The following DPY19L3 variants were observed in gnomAD, a reference collection of about 807,000 sequenced individuals.
DPY19L3 encodes the protein protein C-mannosyl-transferase DPY19L3.
DPY19L3 carries 51 observed loss-of-function variants against 92.3 expected under a neutral mutation model. The ratio of observed to expected loss-of-function variants is 0.55; its 90% CI spans 0.44 to 0.70. DPY19L3 has a LOEUF of 0.70. Among genes scored for constraint, DPY19L3 ranks in the 30% least tolerant of loss-of-function variants. The pLI, the probability that DPY19L3 is intolerant of heterozygous loss-of-function variation, is 0.00. For missense variants in DPY19L3, 706 were observed against 855.9 expected (o/e 0.82, Z 2.18); for synonymous variants, 309 against 315.2 (o/e 0.98, Z 0.21).
At chr19:32,433,329 C>T (rs546556013) in intron 4 of DPY19L3, among the ~76,000 whole-genome samples, 6 of 152,328 alleles carry the variant, frequency 3.9e-5, no homozygotes, top group African/African-American at 1.4e-4. Context: ...ATCGGCTTAG[C>T]ATGAGTGCAT....
intron 9 of DPY19L3, among the ~76,000 whole-genome samples, chr19:32,453,610 G>A (rs549063396): frequency 2.0e-5 from 3 of 152,196 alleles, no homozygotes; most frequent in Admixed American, 6.5e-5. Context: ...ACTCAGGAGC[G>A]AGAAGAGTCT....
chr19:32,479,942 C>T (rs570951684), intron 17 of DPY19L3, among the ~76,000 whole-genome samples: 168 of 152,308 alleles, frequency 1.1e-3, no homozygotes, highest in Non-Finnish European at 8.8e-4. Flanking sequence ...ATCCTTCTCC[C>T]CACCTACCAG....
intron 18 of DPY19L3, 59 bp from the exon 19 acceptor site, chr19:32,482,020 C>G (rs1970686864): frequency 6.3e-7 from 1 of 1,578,414 alleles, no homozygotes; most frequent in Non-Finnish European, 8.6e-7. Context: ...CCTGCTCCTA[C>G]TGTCTTTTGT....
At position 32,480,272 on chromosome 19, in the gene DPY19L3, C is replaced by G. The variant is rs73569249; in HGVS notation, c.1831-127C>G. 3.2e-4 allele frequency: 340 copies of G among 1,050,294 alleles called. No individual in the cohort carries two copies. The African/African-American group carries it at 5.2e-3, about 16-fold the overall frequency. The allele number at this position is 1,050,294 out of a possible 1,614,324, so 65.1% of individuals were successfully genotyped here. A position where few individuals can be genotyped will look rare whatever the true frequency, so the allele number is the denominator to read the frequency against. On this transcript the variant is annotated intron_variant, in intron 17 of 18. Transcript: ENST00000392250. ...CTGCAAATGAGCGAGTGCAGCGTGGCCTGGGCTGGAGAGAGCACCTTGGGT... is the reference window on the plus strand; with the variant it reads ...CTGCAAATGAGCGAGTGCAGCGTGGGCTGGGCTGGAGAGAGCACCTTGGGT...
chr19:32,445,447 A>AAAAAAAAAAAAAAAAC lies in DPY19L3; in HGVS notation c.855+5551_855+5552insACAAAAAAAAAAAAAA. 2.7e-5 allele frequency among the ~76,000 whole-genome samples: 4 copies of AAAAAAAAAAAAAAAAC among 148,478 alleles called. No homozygotes were observed. The South Asian group carries it at 6.3e-4, about 24-fold the overall frequency. ...CAGAGCGAGACTTCATCTCAAAAAA[A>AAAAAAAAAAAAAAAAC]AAAAAAAAAAAAAACCATCAACCTA... On this transcript the variant is annotated intron_variant, in intron 8 of 18. Coordinates refer to ENST00000392250, the MANE Select transcript of DPY19L3 (RefSeq NM_001172774.2).
At position 32,409,944 on chromosome 19, in the gene DPY19L3, G is replaced by A. The variant is rs191198819; in HGVS notation, c.104-1295G>A. On this transcript the variant is annotated intron_variant, in intron 2 of 18. Transcript: ENST00000392250. ...GGCCGAATAGTCAAACCACAGCAGG[G>A]TACATGCCTAGATTGGGAATTACTG... Among the ~76,000 whole-genome samples the A allele has an allele frequency of 3.9e-5, 6 of 152,224 alleles. No homozygotes were observed. The East Asian group carries it at 7.7e-4, about 20-fold the overall frequency.
rs1389479325 is a variant in DPY19L3, at chr19:32,482,168, C to T, written c.2079C>T (p.Pro693=). 6.2e-7 allele frequency: 1 copy of T among 1,613,778 alleles called. No homozygotes were observed. The highest frequency in any genetic ancestry group is 8.5e-7 in the Non-Finnish European group (1 of 1,179,866). Residue 693 remains proline, a synonymous_variant, in exon 19 of 19, where the codon CCC becomes CCT. Transcript: ENST00000392250. ...FCEEIKRNLP[P]YVAYFTRVFQ... is the part of the protein sequence containing the mutation. The stretch of plus-strand genomic sequence containing the variant: ...AAGAGATCAAAAGAAACCTGCCTCC[C>T]TACGTGGCCTACTTCACCAGAGTGT...
intron 8 of DPY19L3, among the ~76,000 whole-genome samples, chr19:32,441,724 C>G (rs999044281): frequency 6.6e-6 from 1 of 152,172 alleles, no homozygotes; most frequent in Non-Finnish European, 1.5e-5. Flanking sequence ...TCTTGAACTC[C>G]TGACCTCAAG....
At chr19:32,421,960 G>A (rs1205560271) in intron 3 of DPY19L3, among the ~76,000 whole-genome samples, 1 of 152,146 alleles carries the variant, frequency 6.6e-6, no homozygotes, top group Non-Finnish European at 1.5e-5. Context: ...TGACTAAAAT[G>A]AGGAAAAGAC....
At chr19:32,473,668 G>T (rs1238343615) in intron 16 of DPY19L3, among the ~76,000 whole-genome samples, 2 of 152,218 alleles carry the variant, frequency 1.3e-5, no homozygotes, top group Non-Finnish European at 2.9e-5. Flanking sequence ...GTAGAGTGAA[G>T]TATTGGAAGT....
intron 3 of DPY19L3, chr19:32,411,884 T>C (rs1264491897): frequency 6.5e-6 from 1 of 153,162 alleles, no homozygotes; most frequent in Non-Finnish European, 1.5e-5. Flanking sequence ...TATTTTTCAT[T>C]TTAATTTTTT....
chr19:32,448,320 A>T (rs1157317459), intron 8 of DPY19L3, among the ~76,000 whole-genome samples: 2 of 152,152 alleles, frequency 1.3e-5, no homozygotes, highest in African/African-American at 4.8e-5. Flanking sequence ...CATGGACACG[A>T]TCCATTGAAG....
chr19:32,464,685 G>GA, intron 14 of DPY19L3, 43 bp from the exon 15 acceptor site: 1 of 1,268,370 alleles, frequency 7.9e-7, no homozygotes, highest in African/African-American at 1.6e-5. Flanking sequence ...AAAAAGAAAA[G>GA]GTTCAAAATA....
At chr19:32,465,210 CATAA>C (rs1309234074) in intron 15 of DPY19L3, among the ~76,000 whole-genome samples, 1 of 152,200 alleles carries the variant, frequency 6.6e-6, no homozygotes, top group Non-Finnish European at 1.5e-5. Flanking sequence ...GAATTAGACA[CATAA>C]ATAAACACAG....
rs376397948 is a variant in DPY19L3 at position 32,464,741 on chromosome 19, G to T, written c.1571G>T (p.Arg524Leu). The change falls in exon 15 of 19, where the codon CGA (arginine) becomes CTA (leucine). Residue 524 changes from arginine to leucine, a missense_variant. Coordinates refer to ENST00000392250, the MANE Select transcript of DPY19L3 (RefSeq NM_001172774.2). ...LYNPKRICIM[R>L]YSVPILILLY... ...TTTCTTATATAGATATGTATAATGC[G>T]ATATTCAGTACCGATATTAATACTG... The T allele has an allele frequency of 6.6e-7, 1 of 1,511,138 alleles. No homozygotes were observed. Among genetic ancestry groups the T allele is most frequent in the Non-Finnish European group, 9.0e-7 (1 of 1,112,062 alleles). 93.6% of individuals were successfully genotyped at this position (1,511,138 alleles called of 1,614,324 possible).
At chr19:32,465,723 A>G (rs1224838152) in intron 15 of DPY19L3, among the ~76,000 whole-genome samples, 2 of 152,206 alleles carry the variant, frequency 1.3e-5, no homozygotes, top group Non-Finnish European at 2.9e-5. Flanking sequence ...ATTGCTAAAT[A>G]CTATATTGTA....
chr19:32,411,580 A>T (rs906190237), intron 3 of DPY19L3: 3 of 466,950 alleles, frequency 6.4e-6, no homozygotes, highest in African/African-American at 6.1e-5. Flanking sequence ...TTATTTATTT[A>T]TTTTTGAGAT....
intron 2 of DPY19L3, among the ~76,000 whole-genome samples, chr19:32,410,471 G>A (rs1968140145): frequency 6.6e-6 from 1 of 151,950 alleles, no homozygotes; most frequent in African/African-American, 2.4e-5. Context: ...AAACCTGTGG[G>A]TTTAAAAAAA....
chr19:32,479,704 C>T (rs1970616353), intron 17 of DPY19L3: 1 of 364,434 alleles, frequency 2.7e-6, no homozygotes, highest in African/African-American at 2.2e-5. Context: ...CATTCCAGCC[C>T]CAGAATCTGG....
Sources: gnomAD v4.1 joint callset for allele counts (sites outside exome capture counted in the v4.1 genomes callset) on GRCh38, gnomAD v4.1.1 for gene constraint, MANE v1.5 for transcripts, NCBI Gene and HGNC (gene_info 2026-07-23, HGNC 2026-07-21) for gene names.